Variants in STK3 observed in about 807,000 individuals in gnomAD.
The protein encoded by STK3 is serine/threonine kinase 3, also known as serine/threonine-protein kinase 3.
In STK3, 41 loss-of-function variants were observed where a neutral mutation model predicts 58.0. The observed-to-expected ratio is 0.71, with a 90% CI of 0.55 to 0.92. The LOEUF is 0.92. Among genes scored for constraint, STK3 ranks in the 40% least tolerant of loss-of-function variants. The probability of loss-of-function intolerance (pLI) is 0.00; values close to 1 mark genes in which losing one functional copy is unlikely to be tolerated. For synonymous variants in STK3, 170 were observed against 191.0 expected, an observed-to-expected ratio of 0.89 and a Z score of 0.91; for missense variants, 479 against 602.7, an observed-to-expected ratio of 0.79 and a Z score of 2.15.
chr8:98,373,968 G>C (rs4382445), intron 2 of STK3, among the ~76,000 whole-genome samples: 94,045 of 151,962 alleles, frequency 0.62, 29,848 homozygotes, highest in Non-Finnish European at 0.68. Context: ...GCATATTGCT[G>C]ATTTATGGAG....
downstream of STK3, among the ~76,000 whole-genome samples, chr8:98,400,405 C>G (rs988766468): frequency 6.6e-6 from 1 of 152,252 alleles, no homozygotes; most frequent in African/African-American, 2.4e-5. Context: ...CATGTAGACA[C>G]AGCAGGCGCC....
At chr8:98,670,293 G>A (rs1008970113) in intron 6 of STK3, among the ~76,000 whole-genome samples, 3 of 152,048 alleles carry the variant, frequency 2.0e-5, no homozygotes, top group African/African-American at 4.8e-5. Context: ...GCCCAGGCTC[G>A]AGGGGTTGCA....
chr8:98,465,192 C>T (rs896806438), intron 10 of STK3, among the ~76,000 whole-genome samples: 2 of 152,140 alleles, frequency 1.3e-5, no homozygotes, highest in East Asian at 3.9e-4. Context: ...TTACCAACCC[C>T]GTTTGACAGG....
intron 9 of STK3, among the ~76,000 whole-genome samples, chr8:98,544,379 TTAA>T (rs1213731885): frequency 2.0e-5 from 3 of 152,172 alleles, no homozygotes; most frequent in Admixed American, 6.5e-5. Flanking sequence ...ATTTAATAAG[TTAA>T]TAATATATAC....
chr8:98,618,353 T>A (rs1817949439), intron 6 of STK3, among the ~76,000 whole-genome samples: 1 of 150,860 alleles, frequency 6.6e-6, no homozygotes, highest in Non-Finnish European at 1.5e-5. Context: ...CCACAGCCAA[T>A]ATCATACTGA....
chr8:98,503,321 G>T (rs150861729), intron 10 of STK3, among the ~76,000 whole-genome samples: 58 of 151,790 alleles, frequency 3.8e-4, no homozygotes, highest in African/African-American at 1.3e-3. Context: ...CTTGCTAGCA[G>T]TCTATTTTAT....
chr8:98,728,216 C>G (rs145200190), intron 4 of STK3, among the ~76,000 whole-genome samples: 4 of 151,948 alleles, frequency 2.6e-5, no homozygotes, highest in Admixed American at 1.3e-4. Flanking sequence ...ATTCCACCCC[C>G]CTAAAGAAGA....
At chr8:98,508,396 C>T (rs1457883117) in intron 10 of STK3, among the ~76,000 whole-genome samples, 3 of 152,068 alleles carry the variant, frequency 2.0e-5, no homozygotes, top group African/African-American at 7.2e-5. Context: ...ATTCTACTTA[C>T]ACAAAATGTC....
chr8:98,441,511 C>G (rs1644063835), intron 1 of STK3, among the ~76,000 whole-genome samples: 1 of 152,198 alleles, frequency 6.6e-6, no homozygotes, highest in Non-Finnish European at 1.5e-5. Flanking sequence ...AGTGGCAGAG[C>G]TGGGTTCTAG....
intron 1 of STK3, among the ~76,000 whole-genome samples, chr8:98,380,990 G>GAGAT (rs1817726309): frequency 1.2e-4 from 3 of 25,238 alleles, no homozygotes; most frequent in Admixed American, 1.1e-3. Context: ...TTTTTTTTTT[G>GAGAT]AGATAGTTTC....
chr8:98,872,518 C>A (rs1239353580), intron 3 of STK3, among the ~76,000 whole-genome samples: 1 of 152,172 alleles, frequency 6.6e-6, no homozygotes, highest in African/African-American at 2.4e-5. Context: ...AATTTCAGAA[C>A]CTGTTATTTG....
intron 3 of STK3, among the ~76,000 whole-genome samples, chr8:98,862,220 G>A (rs1836961427): frequency 6.6e-6 from 1 of 152,176 alleles, no homozygotes; most frequent in South Asian, 2.1e-4. Context: ...AAAGGATTCT[G>A]AGAAGAGAAA....
At chr8:98,893,570 G>A (rs539817648) in intron 1 of STK3, among the ~76,000 whole-genome samples, 11 of 149,542 alleles carry the variant, frequency 7.4e-5, no homozygotes, top group South Asian at 4.3e-4. Context: ...GAGAGGGAGG[G>A]AGGAAAGAAA....
chr8:98,842,741 C>T (rs750466942), intron 3 of STK3, among the ~76,000 whole-genome samples: 4 of 152,018 alleles, frequency 2.6e-5, no homozygotes, highest in Non-Finnish European at 4.4e-5. Flanking sequence ...GTGGCTCATG[C>T]CTGTAATCTC....
chr8:98,525,029 TG>T (rs1825644900), intron 10 of STK3, among the ~76,000 whole-genome samples: 2 of 152,214 alleles, frequency 1.3e-5, no homozygotes, highest in African/African-American at 4.8e-5. Flanking sequence ...TTCATTACTT[TG>T]TAGCTCATTT....
At chr8:98,394,498 C>G (rs1459120386) in intron 3 of STK3, among the ~76,000 whole-genome samples, 1 of 152,016 alleles carries the variant, frequency 6.6e-6, no homozygotes, top group Admixed American at 6.6e-5. Context: ...TTGGGCAACA[C>G]AGCAAGACCC....
chr8:98,909,027 G>A (rs546144946), intron 1 of STK3, among the ~76,000 whole-genome samples: 13 of 151,970 alleles, frequency 8.6e-5, no homozygotes, highest in African/African-American at 2.7e-4. Context: ...ATGGTGGTGC[G>A]TGCCTGTAAT....
downstream of STK3, among the ~76,000 whole-genome samples, chr8:98,400,585 T>C (rs975644111): frequency 6.6e-6 from 1 of 152,238 alleles, no homozygotes; most frequent in African/African-American, 2.4e-5. Context: ...TTTCCAGCAC[T>C]GCTGGCTCCA....
In STK3 at chr8:98,774,620, A is replaced by G. The variant is rs138926905; in HGVS notation, c.107+119T>C. 123 of 643,716 alleles carry G rather than the reference A, an allele frequency of 1.9e-4. No homozygotes were observed. In the East Asian group the frequency reaches 3.8e-3, roughly 20 times the overall value. 39.9% of individuals were successfully genotyped at this position (643,716 alleles called of 1,614,324 possible). A position where few individuals can be genotyped will look rare whatever the true frequency, so the allele number is the denominator to read the frequency against. ...AATTCAGTATCACCTGCCAAGTTTA[A>G]TTACTATTAAATACTATTCAATTCA... On this transcript the variant is annotated intron_variant, in intron 2 of 10. Transcript: ENST00000419617.
Sources: allele counts gnomAD v4.1 joint callset (sites outside exome capture counted in the v4.1 genomes callset), GRCh38; gene constraint gnomAD v4.1.1; transcripts MANE v1.5; gene names NCBI Gene and HGNC (gene_info 2026-07-23, HGNC 2026-07-21).